SP140: variants seen among roughly 807,000 people sequenced by gnomAD.
SP140 encodes the protein nuclear body protein SP140.
In SP140, 81 loss-of-function variants were observed where a neutral mutation model predicts 125.0. That is an observed-to-expected ratio of 0.65 (90% CI 0.54 to 0.78). The LOEUF is 0.78. Among genes scored for constraint, SP140 ranks in the 30% least tolerant of loss-of-function variants. SP140 has a pLI of 0.00. For synonymous variants in SP140, 312 were observed against 354.0 expected (o/e 0.88, Z 1.33); for missense variants, 858 against 1,037.0 (o/e 0.83, Z 2.37).
intron 18 of SP140, among the ~76,000 whole-genome samples, chr2:230,289,181 C>G (rs529849745): frequency 1.3e-5 from 2 of 152,296 alleles, no homozygotes; most frequent in South Asian, 2.1e-4. Flanking sequence ...GAGATGGTAT[C>G]TCATTGTGGT....
At chr2:230,228,260 G>T (rs1428316329) in intron 1 of SP140, among the ~76,000 whole-genome samples, 1 of 152,106 alleles carries the variant, frequency 6.6e-6, no homozygotes, top group Non-Finnish European at 1.5e-5. Flanking sequence ...AAACTTTTAG[G>T]ATTTCTATTC....
chr2:230,255,493 C>T lies in SP140; in HGVS notation c.1201C>T (p.Arg401Cys), dbSNP rs201685101. 5.1e-5 allele frequency: 83 copies of T among 1,613,412 alleles called. 1 individual carries two copies. Among genetic ancestry groups the T allele is most frequent in the Admixed American group, 2.8e-4 (17 of 59,976 alleles). ...TTCGGAAATGTGTGATGGAGAAGAG[C>T]GCCAGGAAGCCTCTAGCTCCCTAGC... Reference protein sequence around the residue: ...DCSEMCDGEERQEASSSLARR... With the variant: ...DCSEMCDGEECQEASSSLARR... Residue 401 changes from arginine (R) to cysteine (C), a missense_variant, in exon 12 of 27, where the codon CGC (arginine) becomes TGC (cysteine). This residue lies in a region of SP140 where 791 missense variants were observed against 869.5 expected (regional missense o/e 0.91). Coordinates refer to ENST00000392045, the MANE Select transcript of SP140 (RefSeq NM_007237.5).
At chr2:230,188,351 C>T in the SP140 span, among the ~76,000 whole-genome samples, 4 of 152,112 alleles carry the variant, frequency 2.6e-5, no homozygotes, top group East Asian at 7.7e-4. Context: ...TAACCTGAGA[C>T]TTTACTGGAT....
intron 15 of SP140, among the ~76,000 whole-genome samples, chr2:230,276,527 G>A (rs1327144015): frequency 6.6e-6 from 1 of 152,124 alleles, no homozygotes; most frequent in African/African-American, 2.4e-5. Flanking sequence ...AGTCATCCAG[G>A]AGCTCTGATG....
intron 1 of SP140, chr2:230,209,866 C>A: frequency 2.1e-6 from 2 of 935,216 alleles, no homozygotes; most frequent in South Asian, 2.6e-5. Flanking sequence ...AAGATACAGT[C>A]AGAAAAACAG....
rs899074764 is a variant in SP140, at chr2:230,247,872, T to A, written c.743-44T>A. 5 of 1,590,632 alleles carry A rather than the reference T, an allele frequency of 3.1e-6. No homozygotes were observed. The Admixed American group carries it at 8.8e-5, about 28-fold the overall frequency. On this transcript the variant is annotated intron_variant, in intron 7 of 26. Coordinates refer to ENST00000392045, the MANE Select transcript of SP140 (RefSeq NM_007237.5). ...TGCTCACTAATCTAGTGAAATTATATGGAAATTACATACACTCTCAGAGAT... is the reference window on the plus strand; with the variant it reads ...TGCTCACTAATCTAGTGAAATTATAAGGAAATTACATACACTCTCAGAGAT...
rs1157208496 is a variant in SP140 at position 230,307,980 on chromosome 2, TATATATATATACACACACAC to T, written c.2059-1942_2059-1923del. 8.9e-3 allele frequency among the ~76,000 whole-genome samples: 858 copies of T among 96,050 alleles called. 7 individuals are homozygous for T. Among genetic ancestry groups the T allele is most frequent in the African/African-American group, 0.031 (812 of 25,960 alleles). 63.0% of individuals were successfully genotyped at this position (96,050 alleles called of 152,430 possible). On this transcript the variant is annotated intron_variant, in intron 22 of 26. Transcript: ENST00000392045. Reference sequence around the variant, plus strand: ...GTATATATATATATATATATATATATATATATATATACACACACACACACACACACACACACAGAGACACA... The same window carrying T: ...GTATATATATATATATATATATATATACACACACACACACACAGAGACACA...
intron 15 of SP140, among the ~76,000 whole-genome samples, chr2:230,275,476 A>T (rs912455511): frequency 6.6e-6 from 1 of 152,176 alleles, no homozygotes; most frequent in African/African-American, 2.4e-5. Context: ...CTAACTGTCT[A>T]TGGCACCACA....
chr2:230,269,547 A>G lies in SP140; in HGVS notation c.1256A>G (p.Glu419Gly), dbSNP rs1375541180. The change falls in exon 13 of 27, where the codon GAA becomes GGA. Residue 419 changes from glutamate (E) to glycine (G), a missense_variant. Coordinates refer to ENST00000392045, the MANE Select transcript of SP140 (RefSeq NM_007237.5). ...TTCTCATTAGTGTCTAGTGAACTAG[A>G]AAATCACCCAATGAATGAAGAAGGA... is the stretch of plus-strand genomic sequence containing the variant. ...ARRGSVSSELENHPMNEEGES... is the reference protein window; with the variant it reads ...ARRGSVSSELGNHPMNEEGES... The G allele has an allele frequency of 6.2e-7, 1 of 1,606,464 alleles. No homozygotes were observed. The highest frequency in any genetic ancestry group is 8.5e-7 in the Non-Finnish European group (1 of 1,173,364).
chr2:230,294,538 T>C (rs376839976), intron 21 of SP140, among the ~76,000 whole-genome samples: 19 of 152,326 alleles, frequency 1.2e-4, no homozygotes, highest in Admixed American at 2.0e-4. Flanking sequence ...CCATTTCATA[T>C]GAAGATGATA....
intron 3 of SP140, among the ~76,000 whole-genome samples, chr2:230,217,262 A>AAT (rs1254926530): frequency 6.6e-6 from 1 of 151,712 alleles, no homozygotes; most frequent in Non-Finnish European, 1.5e-5. Context: ...AAAAAAAAAA[A>AAT]AAATAGAAGC....
At chr2:230,186,750 T>A in the SP140 span, among the ~76,000 whole-genome samples, 82 of 152,234 alleles carry the variant, frequency 5.4e-4, no homozygotes, top group Non-Finnish European at 1.1e-3. Flanking sequence ...AGTGAGAACA[T>A]ACAGTATTTG....
At chr2:230,287,201 C>T (rs529580306) in intron 17 of SP140, among the ~76,000 whole-genome samples, 2 of 152,272 alleles carry the variant, frequency 1.3e-5, no homozygotes, top group Non-Finnish European at 2.9e-5. Context: ...TCATGGTTAA[C>T]CTTCTTCTGA....
chr2:230,253,468 T>G, intron 11 of SP140, 51 bp downstream of exon 11: 1 of 1,416,070 alleles, frequency 7.1e-7, no homozygotes, highest in Non-Finnish European at 1.0e-6. Context: ...TGTTTTCCAG[T>G]TGGCATGGGA....
At chr2:230,301,089 A>G (rs1245207500) in intron 22 of SP140, among the ~76,000 whole-genome samples, 1 of 152,204 alleles carries the variant, frequency 6.6e-6, no homozygotes, top group Non-Finnish European at 1.5e-5. Flanking sequence ...AATTAACCCA[A>G]TCCAACAAGA....
chr2:230,245,977 C>T, intron 7 of SP140, 37 bp downstream of exon 7: 1 of 1,315,878 alleles, frequency 7.6e-7, no homozygotes, highest in Middle Eastern at 1.9e-4. Context: ...ATTTTTCTGT[C>T]AACATACAAA....
chr2:230,191,621 T>A, the SP140 span, among the ~76,000 whole-genome samples: 9 of 152,116 alleles, frequency 5.9e-5, no homozygotes, highest in Non-Finnish European at 1.2e-4. Flanking sequence ...TAACAAGCTC[T>A]GAAATTGAGG....
chr2:230,283,084 G>A (rs1011702537), intron 15 of SP140, among the ~76,000 whole-genome samples: 1 of 152,158 alleles, frequency 6.6e-6, no homozygotes, highest in South Asian at 2.1e-4. Context: ...TTCTGTGTGG[G>A]ACCTCAGAAG....
intron 26 of SP140, among the ~76,000 whole-genome samples, chr2:230,312,154 A>G (rs1180012617): frequency 6.6e-6 from 1 of 152,232 alleles, no homozygotes; most frequent in Non-Finnish European, 1.5e-5. Context: ...CCAGCTGTGG[A>G]AATGATTTCA....
Sources: gnomAD v4.1 joint callset for allele counts (sites outside exome capture counted in the v4.1 genomes callset) on GRCh38, gnomAD v4.1.1 for gene constraint, gnomAD v4.1.1 regional missense constraint, MANE v1.5 for transcripts, NCBI Gene and HGNC (gene_info 2026-07-23, HGNC 2026-07-21) for gene names.